Variants in TMEM242 observed in about 807,000 individuals in gnomAD.
TMEM242 encodes UPF0463 transmembrane protein C6orf35.
In TMEM242, 10 loss-of-function variants were observed where a neutral mutation model predicts 18.2. That is an observed-to-expected ratio of 0.55 (90% CI 0.34 to 0.93). TMEM242 has a LOEUF of 0.93. TMEM242 is among the 40% of genes least tolerant of loss of function. The pLI, the probability that TMEM242 is intolerant of heterozygous loss-of-function variation, is 0.02. For synonymous variants in TMEM242, 57 were observed against 69.9 expected, an observed-to-expected ratio of 0.81 and a Z score of 0.92; for missense variants, 186 against 175.5, an observed-to-expected ratio of 1.06 and a Z score of -0.34.
chr6:157,294,511 C>T (rs587713110), intron 3 of TMEM242, among the ~76,000 whole-genome samples: 34 of 151,608 alleles, frequency 2.2e-4, no homozygotes, highest in African/African-American at 7.3e-4. Context: ...CCACTACGCC[C>T]GGCTAATTTT....
rs916971659 is a variant in TMEM242, at chr6:157,291,882, T to C, written c.*1019A>G. The C allele has an allele frequency of 5.3e-5, 8 of 152,352 alleles. No individual in the cohort carries two copies. The South Asian group carries it at 1.0e-3, about 20-fold the overall frequency. 9.4% of individuals were successfully genotyped at this position (152,352 alleles called of 1,614,324 possible). Reference sequence around the variant, plus strand: ...ACTACAGGTTTTTTCTCTGGACATATTGACATATTAAAGTATTTCTCTTCT... The same window carrying C: ...ACTACAGGTTTTTTCTCTGGACATACTGACATATTAAAGTATTTCTCTTCT... On this transcript the variant is annotated 3_prime_UTR_variant, in exon 4 of 4. Transcript: ENST00000400788.
intron 3 of TMEM242, chr6:157,299,310 A>C (rs1777793996): frequency 1.2e-6 from 1 of 838,172 alleles, no homozygotes; most frequent in Non-Finnish European, 2.1e-6. Flanking sequence ...GGCACTAGCA[A>C]TCACTTGTGG....
intron 3 of TMEM242, among the ~76,000 whole-genome samples, chr6:157,310,279 T>C (rs781972528): frequency 6.7e-6 from 1 of 149,770 alleles, no homozygotes; most frequent in Non-Finnish European, 1.5e-5. Flanking sequence ...GAATTGCCAC[T>C]TAGTACAAGA....
chr6:157,312,678 C>CGAGCCTCACCA (rs1778207649), intron 3 of TMEM242, among the ~76,000 whole-genome samples: 2 of 146,982 alleles, frequency 1.4e-5, no homozygotes, highest in African/African-American at 2.5e-5. Context: ...GTGCACTCAC[C>CGAGCCTCACCA]TAGCCTCATC....
At chr6:157,312,635 T>C in intron 3 of TMEM242, among the ~76,000 whole-genome samples, 1 of 134,880 alleles carries the variant, frequency 7.4e-6, no homozygotes, top group East Asian at 2.2e-4. Context: ...TGTCGCAGTG[T>C]GCACTCACCC....
At chr6:157,296,800 C>G (rs904529150) in intron 3 of TMEM242, among the ~76,000 whole-genome samples, 2 of 152,188 alleles carry the variant, frequency 1.3e-5, no homozygotes, top group Non-Finnish European at 2.9e-5. Flanking sequence ...CCACCATCCT[C>G]ATTTCTAAGT....
At chr6:157,320,876 AGT>A (rs1778484159) in intron 2 of TMEM242, among the ~76,000 whole-genome samples, 2 of 152,246 alleles carry the variant, frequency 1.3e-5, no homozygotes, top group African/African-American at 4.8e-5. Flanking sequence ...TATTCTTTCA[AGT>A]AAAAATGATA....
At chr6:157,299,546 T>G in intron 3 of TMEM242, 1 of 1,514,070 alleles carries the variant, frequency 6.6e-7, no homozygotes, top group Non-Finnish European at 9.2e-7. Flanking sequence ...AACACGGTTT[T>G]TGGAAAATGC....
chr6:157,306,663 G>C (rs782546239), intron 3 of TMEM242, among the ~76,000 whole-genome samples: 1 of 152,128 alleles, frequency 6.6e-6, no homozygotes, highest in Non-Finnish European at 1.5e-5. Flanking sequence ...GAGAAGAGAT[G>C]AGGGGAGGAA....
rs781949689 is a variant in TMEM242, at chr6:157,322,704, C to A, written c.189+1G>T. 3.7e-6 allele frequency: 6 copies of A among 1,609,528 alleles called. No individual in the cohort carries two copies. The South Asian group carries it at 6.7e-5, about 18-fold the overall frequency. ...TATGAATGGATTTCAGTGTCACCAA[C>A]CTTATTGAACCATTCAGGGCTTTTC... is the stretch of plus-strand genomic sequence containing the variant. On this transcript the variant is annotated splice_donor_variant, in intron 2 of 3. Coordinates refer to ENST00000400788, the MANE Select transcript of TMEM242 (RefSeq NM_018452.6). LOFTEE classifies it high-confidence loss of function.
At chr6:157,303,976 G>C (rs587710020) in intron 3 of TMEM242, among the ~76,000 whole-genome samples, 1 of 152,212 alleles carries the variant, frequency 6.6e-6, no homozygotes, top group South Asian at 2.1e-4. Context: ...GCAATGCTGG[G>C]ATCAACTTCC....
At chr6:157,313,427 GGCCTC>G in intron 3 of TMEM242, among the ~76,000 whole-genome samples, 1 of 3,312 alleles carries the variant, frequency 3.0e-4, no homozygotes, top group South Asian at 0.013. Flanking sequence ...GCGCTCACCT[GGCCTC>G]ATCATAGTGC....
intron 3 of TMEM242, among the ~76,000 whole-genome samples, chr6:157,296,917 T>A (rs587709434): frequency 6.6e-6 from 1 of 152,240 alleles, no homozygotes; most frequent in Admixed American, 6.5e-5. Context: ...GAAAATGTAT[T>A]ACAAGTAATT....
intron 2 of TMEM242, among the ~76,000 whole-genome samples, chr6:157,321,777 G>A (rs1778498689): frequency 7.0e-6 from 1 of 142,746 alleles, no homozygotes; most frequent in Admixed American, 7.0e-5. Context: ...GTGAGCCAAG[G>A]ATTAACATAA....
At chr6:157,299,812 T>C (rs1554247391) in intron 3 of TMEM242, 1 of 1,608,784 alleles carries the variant, frequency 6.2e-7, no homozygotes, top group African/African-American at 1.3e-5. Flanking sequence ...GGCTGCCATG[T>C]TGAAGATCCA....
At chr6:157,309,360 G>T (rs1440289163) in intron 3 of TMEM242, among the ~76,000 whole-genome samples, 1 of 151,486 alleles carries the variant, frequency 6.6e-6, no homozygotes, top group Admixed American at 6.6e-5. Context: ...GAATAAAAAG[G>T]TCCTCAATAT....
chr6:157,318,825 C>T lies in TMEM242; in HGVS notation c.284G>A (p.Gly95Asp), dbSNP rs781906669. 1 of 1,614,086 alleles carries T rather than the reference C, an allele frequency of 6.2e-7. No individual in the cohort carries two copies. The highest frequency in any genetic ancestry group is 1.7e-5 in the Admixed American group (1 of 60,014). Residue 95 changes from glycine (G) to aspartate (D), a missense_variant, in exon 3 of 4, where the codon GGT (glycine) becomes GAT (aspartate). Transcript: ENST00000400788. ...TTTCCAGACTGCGAAGCTAATCACA[C>T]CAACCCCACACCATGCATACAGGGA... ...WGSLYAWCGVGVISFAVWKAL... is the reference protein window; with the variant it reads ...WGSLYAWCGVDVISFAVWKAL...
chr6:157,301,036 G>A lies in TMEM242; in HGVS notation c.328-8037C>T, dbSNP rs1777822378. 2.0e-5 allele frequency among the ~76,000 whole-genome samples: 3 copies of A among 152,144 alleles called. No homozygotes were observed. The South Asian group carries it at 6.2e-4, about 32-fold the overall frequency. ...TAAATTCCCTTACAGTTTCTGAGGA[G>A]GTGTCAACTTCACATCTGATGAAAT... is the stretch of plus-strand genomic sequence containing the variant. On this transcript the variant is annotated intron_variant, in intron 3 of 3. Transcript: ENST00000400788.
chr6:157,320,638 T>C (rs782389615), intron 2 of TMEM242, among the ~76,000 whole-genome samples: 3 of 152,054 alleles, frequency 2.0e-5, no homozygotes, highest in Non-Finnish European at 4.4e-5. Flanking sequence ...GCCCAGCTAA[T>C]TTTTGTATTT....
Sources: allele counts gnomAD v4.1 joint callset (sites outside exome capture counted in the v4.1 genomes callset), GRCh38; gene constraint gnomAD v4.1.1; transcripts MANE v1.5; gene names NCBI Gene and HGNC (gene_info 2026-07-23, HGNC 2026-07-21).